Variants in OR51B5 observed in about 807,000 individuals in gnomAD.
OR51B5 encodes the protein olfactory receptor family 51 subfamily B member 5.
For synonymous variants in OR51B5, 186 were observed against 144.8 expected (o/e 1.28, Z -2.04); for missense variants, 456 against 374.6 (o/e 1.22, Z -1.79).
intron 1 of OR51B5, among the ~76,000 whole-genome samples, chr11:5,492,546 G>A (rs1483291816): frequency 2.0e-5 from 3 of 152,068 alleles, no homozygotes; most frequent in African/African-American, 4.8e-5. Context: ...CTTTCTCTGT[G>A]TAAAGGCAAG....
intron 1 of OR51B5, chr11:5,352,580 A>G (rs1011838414): frequency 1.6e-6 from 1 of 620,154 alleles, no homozygotes; most frequent in Non-Finnish European, 2.8e-6. Context: ...GAAATCAGTC[A>G]ATCCCTCTGC....
chr11:5,377,044 C>A (rs80302054), intron 1 of OR51B5, among the ~76,000 whole-genome samples: 1 of 151,840 alleles, frequency 6.6e-6, no homozygotes, highest in South Asian at 2.1e-4. Flanking sequence ...TGATGAACAT[C>A]GATGCAAAAA....
intron 1 of OR51B5, chr11:5,355,678 C>A (rs1014242704): frequency 3.3e-5 from 5 of 151,640 alleles, no homozygotes; most frequent in Admixed American, 6.6e-5. Context: ...ACTGTATCCA[C>A]AAATCATCTG....
At chr11:5,402,634 C>T (rs914442005) in intron 1 of OR51B5, 20 of 471,274 alleles carry the variant, frequency 4.2e-5, no homozygotes, top group African/African-American at 2.0e-4. Flanking sequence ...TTTTTACCTA[C>T]GACTTTCATT....
At chr11:5,354,108 T>C (rs1405767189) in intron 1 of OR51B5, among the ~76,000 whole-genome samples, 1 of 152,218 alleles carries the variant, frequency 6.6e-6, no homozygotes, top group Non-Finnish European at 1.5e-5. Context: ...TTCATTAAAA[T>C]GAATAAATAA....
chr11:5,440,919 ATGT>A, intron 1 of OR51B5: 2 of 1,613,916 alleles, frequency 1.2e-6, no homozygotes, highest in African/African-American at 1.3e-5. Context: ...GAGCCCATAA[ATGT>A]TGTTAACATG....
At chr11:5,451,435 A>T (rs1037216795) in intron 1 of OR51B5, among the ~76,000 whole-genome samples, 5 of 152,228 alleles carry the variant, frequency 3.3e-5, no homozygotes, top group Non-Finnish European at 7.3e-5. Flanking sequence ...AATGGGAGAA[A>T]TAAGAGACAA....
intron 1 of OR51B5, among the ~76,000 whole-genome samples, chr11:5,372,290 G>C (rs770860173): frequency 1.3e-5 from 2 of 152,136 alleles, no homozygotes; most frequent in Non-Finnish European, 2.9e-5. Context: ...ATATACAGCA[G>C]AGAAATTTCT....
downstream of OR51B5, among the ~76,000 whole-genome samples, chr11:5,341,889 A>G (rs1255465372): frequency 7.2e-5 from 11 of 152,200 alleles, no homozygotes; most frequent in Non-Finnish European, 1.2e-4. Flanking sequence ...GACTGTGTCT[A>G]CGTCCTCTCA....
At chr11:5,475,653 T>C (rs746712018) in intron 1 of OR51B5, among the ~76,000 whole-genome samples, 6 of 151,930 alleles carry the variant, frequency 3.9e-5, no homozygotes, top group Non-Finnish European at 1.5e-5. Flanking sequence ...AATGGAAAAG[T>C]ATGCATTTAT....
rs548177716 is a variant in OR51B5, at chr11:5,427,852, A to C, written n.84+77717T>G. ...TTTAAACATCAAATTTAAATTATGTACATTTTTATTGCAAAGAATTATGAT... is the reference window on the plus strand; with the variant it reads ...TTTAAACATCAAATTTAAATTATGTCCATTTTTATTGCAAAGAATTATGAT... On this transcript the variant is annotated intron_variant and non_coding_transcript_variant, in intron 1 of 4. Coordinates refer to the OR51B5 transcript ENST00000415970. 3.3e-5 allele frequency among the ~76,000 whole-genome samples: 5 copies of C among 152,334 alleles called. No homozygotes were observed. The South Asian group carries it at 1.0e-3, about 32-fold the overall frequency.
At chr11:5,471,894 G>A (rs534509486) in intron 1 of OR51B5, among the ~76,000 whole-genome samples, 16 of 152,116 alleles carry the variant, frequency 1.1e-4, no homozygotes, top group South Asian at 8.3e-4. Flanking sequence ...TCAGACTCCC[G>A]GCACAAGATG....
chr11:5,406,765 A>C (rs940486108), intron 1 of OR51B5, among the ~76,000 whole-genome samples: 5 of 152,142 alleles, frequency 3.3e-5, no homozygotes, highest in Non-Finnish European at 7.4e-5. Flanking sequence ...CAAGATTCCA[A>C]AGAGAAGGGA....
At chr11:5,370,807 T>C (rs1849436228) in intron 1 of OR51B5, among the ~76,000 whole-genome samples, 1 of 152,166 alleles carries the variant, frequency 6.6e-6, no homozygotes, top group African/African-American at 2.4e-5. Context: ...AAAAATTTGA[T>C]GCAATAGAGA....
intron 1 of OR51B5, among the ~76,000 whole-genome samples, chr11:5,488,162 G>C (rs995947041): frequency 6.6e-6 from 1 of 152,100 alleles, no homozygotes; most frequent in African/African-American, 2.4e-5. Flanking sequence ...GTTGCATAAA[G>C]ACATAGTTCT....
intron 1 of OR51B5, among the ~76,000 whole-genome samples, chr11:5,354,145 T>C (rs1849149633): frequency 6.6e-6 from 1 of 150,776 alleles, no homozygotes; most frequent in Non-Finnish European, 1.5e-5. Flanking sequence ...TGTCTTTCTG[T>C]GTGTCTGCTA....
chr11:5,430,427 G>A (rs1589992475), intron 1 of OR51B5, among the ~76,000 whole-genome samples: 1 of 152,146 alleles, frequency 6.6e-6, no homozygotes, highest in African/African-American at 2.4e-5. Context: ...CTGGTTAGAA[G>A]AGAAAGTCAT....
chr11:5,371,433 A>T lies in OR51B5; in HGVS notation n.85-24523T>A, dbSNP rs533998471. On this transcript the variant is annotated intron_variant and non_coding_transcript_variant, in intron 1 of 4. Transcript: ENST00000415970. ...AATTTCAACATAAAGAATGAACAAA[A>T]TGACCAGAGGCAGAGGTACCCTGAG... 2.0e-5 allele frequency among the ~76,000 whole-genome samples: 3 copies of T among 152,294 alleles called. No individual in the cohort carries two copies. The East Asian group carries it at 5.8e-4, about 29-fold the overall frequency.
intron 1 of OR51B5, among the ~76,000 whole-genome samples, chr11:5,372,816 A>G (rs919982009): frequency 5.9e-5 from 9 of 152,194 alleles, no homozygotes; most frequent in Non-Finnish European, 1.2e-4. Flanking sequence ...TTTACAGAAA[A>G]CAATTTGAAA....
Sources: allele counts gnomAD v4.1 joint callset (sites outside exome capture counted in the v4.1 genomes callset), GRCh38; gene constraint gnomAD v4.1.1; transcripts MANE v1.5; gene names NCBI Gene and HGNC (gene_info 2026-07-23, HGNC 2026-07-21).